RFX3: variants seen among roughly 807,000 people sequenced by gnomAD.
RFX3 encodes the protein regulatory factor X3, also known as transcription factor RFX3.
Under a neutral mutation model 98.6 loss-of-function variants are expected in RFX3, and 14 were observed. The observed-to-expected ratio is 0.14, with a 90% confidence interval of 0.09 to 0.22. RFX3 has a LOEUF of 0.22. Among genes scored for constraint, RFX3 ranks in the 10% least tolerant of loss-of-function variants. The pLI is 1.00. For missense variants in RFX3, 639 were observed against 926.9 expected, an observed-to-expected ratio of 0.69 and a Z score of 4.03; for synonymous variants, 383 against 328.4, an observed-to-expected ratio of 1.17 and a Z score of -1.80.
intron 4 of RFX3, among the ~76,000 whole-genome samples, chr9:3,320,685 T>C (rs528859860): frequency 1.3e-5 from 2 of 148,434 alleles, no homozygotes; most frequent in Non-Finnish European, 3.0e-5. Context: ...TTCATATAAA[T>C]GTGTACATAT....
rs1564186845 is a variant in RFX3, at chr9:3,505,240, T to TTATATATATATGAATATATATTTA, written c.-9+20483_-9+20506dup. On this transcript the variant is annotated intron_variant, in intron 1 of 16. Coordinates refer to ENST00000617270, the MANE Select transcript of RFX3 (RefSeq NM_001282116.2). The stretch of plus-strand genomic sequence containing the variant: ...TATATATTTATATATGAATATATAT[T>TTATATATATATGAATATATATTTA]TATATATATATGAATATATATTTAT... Among the ~76,000 whole-genome samples, 68 of 84,162 alleles carry TTATATATATATGAATATATATTTA rather than the reference T, an allele frequency of 8.1e-4. 1 individual carries two copies. Among genetic ancestry groups the TTATATATATATGAATATATATTTA allele is most frequent in the Non-Finnish European group, 9.3e-4 (50 of 53,684 alleles). The allele number at this position is 84,162 out of a possible 152,430, so 55.2% of individuals were successfully genotyped here.
intron 1 of RFX3, among the ~76,000 whole-genome samples, chr9:3,514,440 GTGTTTTGTTT>G (rs201784174): frequency 7.9e-5 from 12 of 151,546 alleles, no homozygotes; most frequent in East Asian, 1.9e-4. Context: ...TAACCAAGTT[GTGTTTTGTTT>G]TGTTTTGTTT....
At chr9:3,375,254 G>C (rs920517342) in intron 2 of RFX3, among the ~76,000 whole-genome samples, 2 of 152,142 alleles carry the variant, frequency 1.3e-5, no homozygotes, top group Admixed American at 1.3e-4. Context: ...CAGAATTATA[G>C]GAGTGCGCCT....
chr9:3,358,568 C>G (rs1836041352), intron 2 of RFX3, among the ~76,000 whole-genome samples: 1 of 152,100 alleles, frequency 6.6e-6, no homozygotes, highest in Non-Finnish European at 1.5e-5. Context: ...TTTACACTAC[C>G]TACCAAGTTA....
intron 14 of RFX3, among the ~76,000 whole-genome samples, chr9:3,256,339 CTT>C (rs200534632): frequency 2.1e-4 from 30 of 144,532 alleles, no homozygotes; most frequent in African/African-American, 4.3e-4. Flanking sequence ...GGATTTGTTT[CTT>C]TTTTTTTTTT....
At chr9:3,422,987 T>C (rs1843588093) in intron 1 of RFX3, among the ~76,000 whole-genome samples, 1 of 152,160 alleles carries the variant, frequency 6.6e-6, no homozygotes, top group Non-Finnish European at 1.5e-5. Context: ...CTGACAACCT[T>C]GGGAAGATAA....
At chr9:3,379,418 T>G (rs950880226) in intron 2 of RFX3, among the ~76,000 whole-genome samples, 5 of 148,374 alleles carry the variant, frequency 3.4e-5, no homozygotes, top group East Asian at 2.0e-4. Context: ...TGAAGTTGGG[T>G]TTTTTTTTTA....
intron 1 of RFX3, among the ~76,000 whole-genome samples, chr9:3,516,294 C>A (rs1302593798): frequency 2.6e-5 from 4 of 152,098 alleles, no homozygotes; most frequent in Non-Finnish European, 5.9e-5. Context: ...GTGATCCACC[C>A]GCCTCAGCCT....
chr9:3,525,941 G>T lies in RFX3; in HGVS notation c.-203C>A. 3 of 781,856 alleles carry T rather than the reference G, an allele frequency of 3.8e-6. No homozygotes were observed. Among genetic ancestry groups the T allele is most frequent in the Non-Finnish European group, 4.6e-6 (3 of 648,264 alleles). 48.4% of individuals were successfully genotyped at this position (781,856 alleles called of 1,614,324 possible). On this transcript the variant is annotated 5_prime_UTR_variant, in exon 1 of 17. Coordinates refer to ENST00000617270, the MANE Select transcript of RFX3 (RefSeq NM_001282116.2). ...TAACTCACAAAAGAGAGAGAGAGAG[G>T]GAGAGAGAGAGAGAGCGAGAGGGAG...
At chr9:3,513,384 C>A (rs1044326009) in intron 1 of RFX3, among the ~76,000 whole-genome samples, 1 of 152,050 alleles carries the variant, frequency 6.6e-6, no homozygotes, top group African/African-American at 2.4e-5. Flanking sequence ...TGTTCATACT[C>A]TAGTTTTTCA....
chr9:3,475,670 G>A (rs777068396), intron 1 of RFX3, among the ~76,000 whole-genome samples: 15 of 152,210 alleles, frequency 9.9e-5, no homozygotes, highest in Non-Finnish European at 1.5e-4. Flanking sequence ...TTTTGCTACT[G>A]CTGCCTAAAA....
At chr9:3,447,351 T>C (rs1159788814) in intron 1 of RFX3, among the ~76,000 whole-genome samples, 2 of 152,196 alleles carry the variant, frequency 1.3e-5, no homozygotes, top group East Asian at 3.9e-4. Flanking sequence ...TGAAACATGA[T>C]AGTAACATGG....
intron 1 of RFX3, among the ~76,000 whole-genome samples, chr9:3,423,510 A>G (rs562970361): frequency 1.3e-5 from 2 of 152,170 alleles, no homozygotes; most frequent in African/African-American, 4.8e-5. Context: ...CATTGGGCTG[A>G]GCAAAAGAAA....
At chr9:3,229,094 C>G (rs1818145451) in intron 15 of RFX3, among the ~76,000 whole-genome samples, 1 of 152,188 alleles carries the variant, frequency 6.6e-6, no homozygotes, top group Non-Finnish European at 1.5e-5. Context: ...ATTTAGCTGT[C>G]TTAGCCTCTT....
chr9:3,449,930 G>T (rs1402749048), intron 1 of RFX3, among the ~76,000 whole-genome samples: 1 of 150,658 alleles, frequency 6.6e-6, no homozygotes, highest in Non-Finnish European at 1.5e-5. Flanking sequence ...AAATAGTTTA[G>T]GACAAATAGT....
At chr9:3,276,048 T>A (rs533563683) in intron 8 of RFX3, among the ~76,000 whole-genome samples, 1 of 152,266 alleles carries the variant, frequency 6.6e-6, no homozygotes, top group South Asian at 2.1e-4. Context: ...ACAAAGCAGA[T>A]ACAAAGAAAA....
chr9:3,522,558 T>C (rs948748090), intron 1 of RFX3, among the ~76,000 whole-genome samples: 8 of 84,160 alleles, frequency 9.5e-5, no homozygotes, highest in East Asian at 1.0e-3. Context: ...TGTGTGTGCG[T>C]GTGTGTGTGT....
At chr9:3,322,547 C>T (rs1203331503) in intron 4 of RFX3, among the ~76,000 whole-genome samples, 2 of 152,072 alleles carry the variant, frequency 1.3e-5, no homozygotes, top group African/African-American at 2.4e-5. Flanking sequence ...ACCCAGCCAA[C>T]ATGATGAAAC....
At chr9:3,385,133 G>A (rs1054977700) in intron 2 of RFX3, among the ~76,000 whole-genome samples, 1 of 152,114 alleles carries the variant, frequency 6.6e-6, no homozygotes, top group African/African-American at 2.4e-5. Context: ...AATTTGCTAT[G>A]GCAAAAGGGT....
Sources: gnomAD v4.1 joint callset for allele counts (sites outside exome capture counted in the v4.1 genomes callset) on GRCh38, gnomAD v4.1.1 for gene constraint, MANE v1.5 for transcripts, NCBI Gene and HGNC (gene_info 2026-07-23, HGNC 2026-07-21) for gene names.